TMX2: variants seen among roughly 807,000 people sequenced by gnomAD.
TMX2 encodes the protein thioredoxin related transmembrane protein 2, also known as thioredoxin-related transmembrane protein 2.
A neutral mutation model predicts 33.4 loss-of-function variants in TMX2; 20 were observed. The ratio of observed to expected loss-of-function variants is 0.60; its 90% CI spans 0.42 to 0.87. The LOEUF (loss-of-function observed/expected upper bound fraction) is 0.87. Among genes scored for constraint, TMX2 ranks in the 40% least tolerant of loss-of-function variants. The pLI is 0.00. For missense variants in TMX2, 340 were observed against 370.7 expected (o/e 0.92, Z 0.68); for synonymous variants, 166 against 140.7 (o/e 1.18, Z -1.27).
chr11:57,721,362 T>G (rs1031135315), intron 1 of TMX2, among the ~76,000 whole-genome samples: 1 of 150,678 alleles, frequency 6.6e-6, no homozygotes, highest in Non-Finnish European at 1.5e-5. Flanking sequence ...TTTTTTTTTT[T>G]TTTGAGATGG....
intron 1 of TMX2, among the ~76,000 whole-genome samples, chr11:57,727,231 A>G (rs1948064704): frequency 6.6e-6 from 1 of 152,106 alleles, no homozygotes; most frequent in African/African-American, 2.4e-5. Context: ...AGGTCAGACC[A>G]TGTCCTCCCC....
At position 57,740,148 on chromosome 11, in the gene TMX2, A is replaced by C; in HGVS notation, c.794A>C (p.Lys265Thr). 1 of 1,614,018 alleles carries C rather than the reference A, an allele frequency of 6.2e-7. No individual in the cohort carries two copies. Among genetic ancestry groups the C allele is most frequent in the South Asian group, 1.1e-5 (1 of 91,080 alleles). ...TTAAATGAGCTATACCAGCGGGCCA[A>C]GAAACTATCAAAGGCTGGAGACAAT... ...FNLNELYQRA[K>T]KLSKAGDNIP... The change falls in exon 8 of 8, where the codon AAG (lysine) becomes ACG (threonine). Residue 265 changes from lysine (K) to threonine (T), a missense_variant. Physicochemically the swap from Lys to Thr is moderately conservative, Grantham distance 78. This residue lies in a region of TMX2 where 209 missense variants were observed against 241.6 expected (regional missense o/e 0.87). Transcript: ENST00000278422.
chr11:57,715,811 CT>C (rs1298249248), intron 1 of TMX2, among the ~76,000 whole-genome samples: 8 of 151,288 alleles, frequency 5.3e-5, no homozygotes, highest in Admixed American at 4.6e-4. Flanking sequence ...CTTCAAGCAT[CT>C]GTTTAACAAA....
chr11:57,735,132 A>G (rs1207707512), intron 1 of TMX2, among the ~76,000 whole-genome samples: 2 of 152,080 alleles, frequency 1.3e-5, no homozygotes, highest in Non-Finnish European at 2.9e-5. Flanking sequence ...TCCGTCTCAA[A>G]AAAAAGAAAA....
At chr11:57,732,851 C>G (rs1490217985) in intron 1 of TMX2, among the ~76,000 whole-genome samples, 3 of 152,072 alleles carry the variant, frequency 2.0e-5, no homozygotes, top group African/African-American at 7.2e-5. Context: ...GGCTGAAAGT[C>G]CTAACCTGCT....
chr11:57,725,056 GAAAGA>G lies in TMX2; in HGVS notation c.189+12263_189+12267del, dbSNP rs202155469. ...TGTGTCTCAAAAAAAAAAAAAAAAA[GAAAGA>G]AAAGAAAAGAAAATGGGTTCTACAT... On this transcript the variant is annotated intron_variant, in intron 1 of 7. Transcript: ENST00000278422. Among the ~76,000 whole-genome samples the G allele has an allele frequency of 7.4e-3, 1,078 of 145,846 alleles. 23 individuals are homozygous for G. The highest frequency in any genetic ancestry group is 0.026 in the African/African-American group (1,020 of 39,338).
intron 1 of TMX2, among the ~76,000 whole-genome samples, chr11:57,720,183 C>G (rs1475022202): frequency 6.7e-6 from 1 of 149,886 alleles, no homozygotes; most frequent in Non-Finnish European, 1.5e-5. Flanking sequence ...TTTGGGGCCT[C>G]TCGTTTTCCT....
chr11:57,716,077 C>T (rs920857927), intron 1 of TMX2, among the ~76,000 whole-genome samples: 20 of 152,162 alleles, frequency 1.3e-4, no homozygotes, highest in Admixed American at 3.3e-4. Flanking sequence ...CATCCCGGCC[C>T]GTTCTCAATG....
At chr11:57,719,907 A>T (rs1368298064) in intron 1 of TMX2, among the ~76,000 whole-genome samples, 1 of 151,854 alleles carries the variant, frequency 6.6e-6, no homozygotes, top group Non-Finnish European at 1.5e-5. Context: ...ATGTATTTCT[A>T]CTTCTTCCTT....
chr11:57,732,866 A>G (rs188017173), intron 1 of TMX2, among the ~76,000 whole-genome samples: 1 of 152,170 alleles, frequency 6.6e-6, no homozygotes, highest in African/African-American at 2.4e-5. Context: ...CCTGCTAATC[A>G]TGCGGTGTCC....
At chr11:57,739,682 G>A (rs1184604232) in intron 7 of TMX2, among the ~76,000 whole-genome samples, 2 of 152,026 alleles carry the variant, frequency 1.3e-5, no homozygotes, top group African/African-American at 2.4e-5. Flanking sequence ...GCTTGAACCC[G>A]GGAGGTGGAG....
chr11:57,738,920 C>CT (rs1452894259), intron 5 of TMX2, 54 bp from the exon 6 acceptor site: 4 of 1,582,508 alleles, frequency 2.5e-6, no homozygotes, highest in Non-Finnish European at 3.5e-6. Flanking sequence ...TATACTTCCA[C>CT]TTTCCTTGAT....
At chr11:57,723,936 T>G (rs1947807064) in intron 1 of TMX2, among the ~76,000 whole-genome samples, 2 of 150,988 alleles carry the variant, frequency 1.3e-5, no homozygotes, top group Admixed American at 1.3e-4. Flanking sequence ...GCAACAAAAC[T>G]CTGAGCCCTA....
At chr11:57,729,176 G>A (rs555817732) in intron 1 of TMX2, among the ~76,000 whole-genome samples, 1 of 152,054 alleles carries the variant, frequency 6.6e-6, no homozygotes, top group South Asian at 2.1e-4. Context: ...TGAGGAGAAT[G>A]TCCCCTTTTC....
intron 1 of TMX2, among the ~76,000 whole-genome samples, chr11:57,728,679 A>T (rs1041561587): frequency 8.5e-5 from 13 of 152,076 alleles, no homozygotes; most frequent in African/African-American, 2.7e-4. Flanking sequence ...CCTAAAATTT[A>T]TCTTGATTCG....
At chr11:57,725,842 T>TAA (rs1565222175) in intron 1 of TMX2, among the ~76,000 whole-genome samples, 1 of 152,176 alleles carries the variant, frequency 6.6e-6, no homozygotes, top group African/African-American at 2.4e-5. Context: ...TAAACTATTA[T>TAA]GTGTTACTTC....
chr11:57,734,310 G>A (rs967299599), intron 1 of TMX2, among the ~76,000 whole-genome samples: 4 of 152,184 alleles, frequency 2.6e-5, no homozygotes, highest in Non-Finnish European at 5.9e-5. Flanking sequence ...GATAGGGAGA[G>A]AGTCTAGCTG....
At chr11:57,719,849 G>A (rs2135497200) in intron 1 of TMX2, among the ~76,000 whole-genome samples, 1 of 151,894 alleles carries the variant, frequency 6.6e-6, no homozygotes, top group South Asian at 2.1e-4. Context: ...AGCCTTTTGG[G>A]GAAGCTTAAA....
Position 57,740,362 on chromosome 11 carries a change from A to G in TMX2, c.*117A>G. 8.0e-7 allele frequency: 1 copy of G among 1,252,410 alleles called. No individual in the cohort carries two copies. 77.6% of individuals were successfully genotyped at this position (1,252,410 alleles called of 1,614,324 possible). On this transcript the variant is annotated 3_prime_UTR_variant, in exon 8 of 8. Coordinates refer to ENST00000278422, the MANE Select transcript of TMX2 (RefSeq NM_015959.4). Reference sequence around the variant, plus strand: ...CCCTTTGGCTGTGACTGGGTGGGGCAGCATGCAGCTTCTGATTTTAAAGAG... The same window carrying G: ...CCCTTTGGCTGTGACTGGGTGGGGCGGCATGCAGCTTCTGATTTTAAAGAG...
Sources: gnomAD v4.1 joint callset for allele counts (sites outside exome capture counted in the v4.1 genomes callset) on GRCh38, gnomAD v4.1.1 for gene constraint, gnomAD v4.1.1 regional missense constraint, MANE v1.5 for transcripts, NCBI Gene and HGNC (gene_info 2026-07-23, HGNC 2026-07-21) for gene names.